Variants in HSPA4L observed in about 807,000 individuals in gnomAD.
HSPA4L encodes the protein heat shock 70 kDa protein 4L.
A neutral mutation model predicts 100.3 loss-of-function variants in HSPA4L; 48 were observed. The ratio of observed to expected loss-of-function variants is 0.48; its 90% CI spans 0.38 to 0.61. The LOEUF is 0.61. HSPA4L is among the 20% of genes least tolerant of loss of function. The pLI, the probability that HSPA4L is intolerant of heterozygous loss-of-function variation, is 0.00. For synonymous variants in HSPA4L, 319 were observed against 328.2 expected (o/e 0.97, Z 0.30); for missense variants, 886 against 988.6 (o/e 0.90, Z 1.39).
rs780385437 is a variant in HSPA4L, at chr4:127,805,171, A to G, written c.1084A>G (p.Ile362Val). 14 of 1,612,194 alleles carry G rather than the reference A, an allele frequency of 8.7e-6. No homozygotes were observed. The highest frequency in any genetic ancestry group is 1.2e-5 in the Non-Finnish European group (14 of 1,178,806). The change falls in exon 9 of 19, where the codon ATA becomes GTA. Residue 362 changes from isoleucine (I) to valine (V), a missense_variant. By Grantham distance (29) the Ile-to-Val change is conservative. Transcript: ENST00000296464. ...EQITKFFLKDISTTLNADEAV... is the reference protein window; with the variant it reads ...EQITKFFLKDVSTTLNADEAV... ...AATCACTAAATTCTTTCTTAAAGAC[A>G]TAAGTACCACATTAAATGCTGATGA... is the stretch of plus-strand genomic sequence containing the variant.
At chr4:127,832,075 C>A in intron 18 of HSPA4L, among the ~76,000 whole-genome samples, 1 of 151,306 alleles carries the variant, frequency 6.6e-6, no homozygotes, top group East Asian at 2.2e-4. Flanking sequence ...TGACATTGAT[C>A]TTCAAAGGTT....
chr4:127,794,024 A>T (rs995370905), intron 1 of HSPA4L, 53 bp from the exon 2 acceptor site: 2 of 1,273,638 alleles, frequency 1.6e-6, no homozygotes, highest in Non-Finnish European at 2.2e-6. Context: ...GCAAAATAAT[A>T]GCACAATAAT....
At chr4:127,810,611 T>G (rs565198121) in intron 11 of HSPA4L, among the ~76,000 whole-genome samples, 2 of 152,090 alleles carry the variant, frequency 1.3e-5, no homozygotes, top group African/African-American at 4.8e-5. Context: ...TCAGAAAAAT[T>G]AGCTAGACAT....
At chr4:127,785,731 C>G (rs1384727614) in intron 1 of HSPA4L, among the ~76,000 whole-genome samples, 3 of 152,100 alleles carry the variant, frequency 2.0e-5, no homozygotes. Flanking sequence ...GCCACTGCAC[C>G]CAGCCTATGT....
chr4:127,782,263 G>T, upstream of HSPA4L: 1 of 432,360 alleles, frequency 2.3e-6, no homozygotes, highest in Non-Finnish European at 4.2e-6. Context: ...GCGCCTCCCG[G>T]GCAGCCGAGC....
intron 10 of HSPA4L, among the ~76,000 whole-genome samples, chr4:127,807,556 G>A (rs1296667379): frequency 1.3e-5 from 2 of 152,012 alleles, no homozygotes; most frequent in Non-Finnish European, 2.9e-5. Context: ...AGATATACAA[G>A]TGTTCCTTGT....
At chr4:127,800,951 C>T (rs1733157711) in intron 4 of HSPA4L, among the ~76,000 whole-genome samples, 187 bp from the exon 5 acceptor site, 2 of 152,072 alleles carry the variant, frequency 1.3e-5, no homozygotes, top group Admixed American at 6.6e-5. Context: ...AGTATTCATA[C>T]TTTAGGTCAG....
At position 127,803,634 on chromosome 4, in the gene HSPA4L, G is replaced by T. The variant is rs751956032; in HGVS notation, c.669G>T (p.Leu223Phe). The change falls in exon 7 of 19, where the codon TTG (leucine) becomes TTT (phenylalanine). Residue 223 changes from leucine (L) to phenylalanine (F), a missense_variant. Leu to Phe is a conservative substitution (Grantham distance 22). Transcript: ENST00000296464. ...CAFNKGKLKV[L>F]ATTFDPYLGG... The stretch of plus-strand genomic sequence containing the variant: ...CTGCTTTTTCAATTAAACAGGTCTT[G>T]GCTACTACCTTTGATCCATATTTGG... 3 of 1,609,594 alleles carry T rather than the reference G, an allele frequency of 1.9e-6. No homozygotes were observed. Among genetic ancestry groups the T allele is most frequent in the African/African-American group, 1.3e-5 (1 of 74,544 alleles).
At chr4:127,789,604 C>T (rs542291955) in intron 1 of HSPA4L, among the ~76,000 whole-genome samples, 2 of 151,608 alleles carry the variant, frequency 1.3e-5, no homozygotes, top group East Asian at 1.9e-4. Context: ...GCTGAGACTG[C>T]GCTACTGCAC....
At position 127,782,407 on chromosome 4, in the gene HSPA4L, C is replaced by T. The variant is rs536813663; in HGVS notation, c.-144C>T. The T allele has an allele frequency of 1.2e-5, 8 of 663,956 alleles. 1 individual carries two copies. In the South Asian group the frequency reaches 1.4e-4, roughly 12 times the overall value. The allele number at this position is 663,956 out of a possible 1,614,324, so 41.1% of individuals were successfully genotyped here. ...CCTTCCGCGGGTTTCCGACTCCCTG[C>T]CCTAGATTTTCTGCTTAGCGACTTG... On this transcript the variant is annotated 5_prime_UTR_variant, in exon 1 of 19. Coordinates refer to ENST00000296464, the MANE Select transcript of HSPA4L (RefSeq NM_014278.4).
At chr4:127,827,083 A>C (rs1479241949) in intron 16 of HSPA4L, among the ~76,000 whole-genome samples, 1 of 152,228 alleles carries the variant, frequency 6.6e-6, no homozygotes, top group African/African-American at 2.4e-5. Context: ...GAAGCTAAGA[A>C]GTAATCTTAA....
At chr4:127,792,917 T>G (rs1732916228) in intron 1 of HSPA4L, among the ~76,000 whole-genome samples, 1 of 152,140 alleles carries the variant, frequency 6.6e-6, no homozygotes, top group Non-Finnish European at 1.5e-5. Context: ...GAGAACAGCA[T>G]TTACAAAGGC....
At position 127,836,454 on chromosome 4, in the gene HSPA4L, T is replaced by C. The variant is rs1734214517; in HGVS notation, c.*3580T>C. ...AAAGAATTAAAGGTTTCTTATGCTTTTTTGGGGGGGGGTGTCAATTTTTAG... is the reference window on the plus strand; with the variant it reads ...AAAGAATTAAAGGTTTCTTATGCTTCTTTGGGGGGGGGTGTCAATTTTTAG... On this transcript the variant is annotated 3_prime_UTR_variant, in exon 19 of 19. Transcript: ENST00000296464. 1 of 150,156 alleles carries C rather than the reference T, an allele frequency of 6.7e-6. No homozygotes were observed. The highest frequency in any genetic ancestry group is 2.1e-4 in the South Asian group (1 of 4,750). The allele number at this position is 150,156 out of a possible 1,614,324, so 9.3% of individuals were successfully genotyped here.
intron 18 of HSPA4L, among the ~76,000 whole-genome samples, chr4:127,831,188 A>C (rs1437592519): frequency 6.6e-6 from 1 of 152,110 alleles, no homozygotes; most frequent in Non-Finnish European, 1.5e-5. Context: ...TAAACTTTTC[A>C]ATTTAAAAAA....
In HSPA4L at chr4:127,799,194, A is replaced by G. The variant is rs1051510719; in HGVS notation, c.429+485A>G. Among the ~76,000 whole-genome samples, 5 of 152,268 alleles carry G rather than the reference A, an allele frequency of 3.3e-5. No individual in the cohort carries two copies. The East Asian group carries it at 5.8e-4, about 18-fold the overall frequency. ...ATGTTAACTAAATTGATATATTCCT[A>G]CTATTCAACTTGACTACAAAAGTTC... On this transcript the variant is annotated intron_variant, in intron 4 of 18. Coordinates refer to ENST00000296464, the MANE Select transcript of HSPA4L (RefSeq NM_014278.4).
chr4:127,819,602 A>C (rs1165296753), intron 13 of HSPA4L, among the ~76,000 whole-genome samples: 1 of 152,130 alleles, frequency 6.6e-6, no homozygotes, highest in Non-Finnish European at 1.5e-5. Flanking sequence ...TCATCATCCC[A>C]AAGAGAAGCC....
In HSPA4L at chr4:127,803,779, A is replaced by C; in HGVS notation, c.814A>C (p.Lys272Gln). 1 of 1,614,028 alleles carries C rather than the reference A, an allele frequency of 6.2e-7. No homozygotes were observed. The highest frequency in any genetic ancestry group is 1.1e-5 in the South Asian group (1 of 91,076). The change falls in exon 7 of 19, where the codon AAA (lysine) becomes CAA (glutamine). Residue 272 changes from lysine (K) to glutamine (Q), a missense_variant. Physicochemically the swap from Lys to Gln is moderately conservative, Grantham distance 53. Transcript: ENST00000296464. ...ALLRLYQECE[K>Q]LKKLMSANAS... is the part of the protein sequence containing the mutation. ...GTTGCGTTTATATCAGGAATGTGAA[A>C]AACTAAAGAAGCTAATGAGTGCAAA...
At chr4:127,820,648 A>G (rs2148796249) in intron 14 of HSPA4L, 83 bp downstream of exon 14, 2 of 1,316,146 alleles carry the variant, frequency 1.5e-6, no homozygotes. Context: ...TCCAAAATTT[A>G]GGGCACTAGT....
At chr4:127,803,364 G>GTTA (rs72533045) in intron 6 of HSPA4L, among the ~76,000 whole-genome samples, 1 of 151,638 alleles carries the variant, frequency 6.6e-6, no homozygotes, top group Non-Finnish European at 1.5e-5. Flanking sequence ...GGCTTTAGTT[G>GTTA]TAATTCAGTT....
Sources: gnomAD v4.1 joint callset for allele counts (sites outside exome capture counted in the v4.1 genomes callset) on GRCh38, gnomAD v4.1.1 for gene constraint, MANE v1.5 for transcripts, NCBI Gene and HGNC (gene_info 2026-07-23, HGNC 2026-07-21) for gene names.